DACH2: variants seen among roughly 807,000 people sequenced by gnomAD.
The protein encoded by DACH2 is dachshund homolog 2.
DACH2 carries 17 observed loss-of-function variants against 35.8 expected under a neutral mutation model. That is an observed-to-expected ratio of 0.48 (90% CI 0.33 to 0.71). DACH2 has a LOEUF of 0.71. Ranked by LOEUF, DACH2 falls within the 30% of genes least tolerant of loss-of-function variation. The pLI is 0.02. For missense variants in DACH2, 469 were observed against 472.7 expected, an observed-to-expected ratio of 0.99 and a Z score of 0.07; for synonymous variants, 195 against 177.3, an observed-to-expected ratio of 1.10 and a Z score of -0.79.
At chrX:86,800,217 A>C (rs144751887) in intron 7 of DACH2, among the ~76,000 whole-genome samples, 1 of 111,710 alleles carries the variant, frequency 9.0e-6, no homozygotes, top group African/African-American at 3.3e-5. Context: ...TCACCACCAC[A>C]CTCTTCAATT....
intron 1 of DACH2, among the ~76,000 whole-genome samples, chrX:86,212,247 G>A (rs2032462144): frequency 9.0e-6 from 1 of 111,725 alleles, no homozygotes; most frequent in Admixed American, 9.5e-5. Flanking sequence ...ATACAATCCA[G>A]AATGTTGAAA....
intron 2 of DACH2, among the ~76,000 whole-genome samples, chrX:86,422,931 C>G (rs1418633169): frequency 9.0e-6 from 1 of 111,303 alleles, no homozygotes; most frequent in African/African-American, 3.3e-5. Flanking sequence ...GTTTGTCTTT[C>G]TGTGCCTGAC....
intron 1 of DACH2, among the ~76,000 whole-genome samples, chrX:86,150,514 C>T (rs1175657345): frequency 9.0e-6 from 1 of 111,726 alleles, no homozygotes; most frequent in Non-Finnish European, 1.9e-5. Flanking sequence ...CTTTTTCCTT[C>T]TTCTTTTTTT....
At chrX:86,780,246 A>C (rs147823584) in intron 7 of DACH2, among the ~76,000 whole-genome samples, 13,706 of 109,893 alleles carry the variant, frequency 0.12, 928 homozygotes, top group South Asian at 0.4. Context: ...CAAATGAGAA[A>C]GAAACAGCAC....
intron 1 of DACH2, among the ~76,000 whole-genome samples, chrX:86,294,796 G>A (rs1249236638): frequency 1.4e-4 from 15 of 108,696 alleles, no homozygotes; most frequent in East Asian, 2.9e-4. Context: ...CTCCAGCTGC[G>A]TGCTGGGAGA....
chrX:86,188,345 G>T (rs763173695), intron 1 of DACH2, among the ~76,000 whole-genome samples: 6 of 111,697 alleles, frequency 5.4e-5, no homozygotes, highest in Admixed American at 9.5e-5. Flanking sequence ...CTAACCTTTG[G>T]TCTAGTTACA....
intron 7 of DACH2, among the ~76,000 whole-genome samples, chrX:86,750,022 A>G (rs1203341635): frequency 5.4e-5 from 6 of 111,097 alleles, no homozygotes; most frequent in Non-Finnish European, 1.1e-4. Flanking sequence ...TCTCTATATA[A>G]GATCATACTA....
At position 86,673,074 on chromosome X, in the gene DACH2, G is replaced by A. The variant is rs752918387; in HGVS notation, c.772+21907G>A. Among the ~76,000 whole-genome samples, 266 of 111,389 alleles carry A rather than the reference G, an allele frequency of 2.4e-3. 1 individual carries two copies. Among genetic ancestry groups the A allele is most frequent in the African/African-American group, 7.8e-3 (239 of 30,619 alleles). ...TTTTAGGCCAGGTGTGGTGGCTTAC[G>A]CCTGTAATCCCAGCACTTTGGGAGG... On this transcript the variant is annotated intron_variant, in intron 4 of 11. Coordinates refer to ENST00000373125, the MANE Select transcript of DACH2 (RefSeq NM_053281.3).
chrX:86,395,656 C>T (rs969688656), intron 2 of DACH2, among the ~76,000 whole-genome samples: 15 of 110,853 alleles, frequency 1.4e-4, no homozygotes, highest in African/African-American at 9.9e-5. Flanking sequence ...TTTGTCCTTG[C>T]GATAGTTTGC....
intron 3 of DACH2, among the ~76,000 whole-genome samples, chrX:86,536,453 A>T (rs908364529): frequency 8.9e-6 from 1 of 112,083 alleles, no homozygotes; most frequent in Non-Finnish European, 1.9e-5. Flanking sequence ...ATCTCCTTCC[A>T]TTACTATGTC....
chrX:86,815,329 G>T (rs766845967), intron 10 of DACH2, among the ~76,000 whole-genome samples: 2 of 111,095 alleles, frequency 1.8e-5, no homozygotes, highest in East Asian at 2.8e-4. Flanking sequence ...AATTATGAAA[G>T]ATCTTAATTC....
chrX:86,514,474 T>C, intron 3 of DACH2, 83 bp downstream of exon 3: 1 of 895,418 alleles, frequency 1.1e-6, no homozygotes, highest in South Asian at 3.1e-5. Context: ...CTAACTGCCT[T>C]GTCCTTCAGA....
intron 1 of DACH2, among the ~76,000 whole-genome samples, chrX:86,169,530 C>A (rs1278884543): frequency 9.0e-6 from 1 of 110,626 alleles, no homozygotes; most frequent in Admixed American, 9.6e-5. Context: ...CTTAGACTTG[C>A]CCTTTTAATG....
intron 1 of DACH2, among the ~76,000 whole-genome samples, chrX:86,313,289 T>C (rs1287987213): frequency 8.9e-6 from 1 of 111,878 alleles, no homozygotes; most frequent in Non-Finnish European, 1.9e-5. Flanking sequence ...AATGTTTCTG[T>C]TTAGAATAAA....
chrX:86,537,148 C>T (rs1178755916), intron 3 of DACH2, among the ~76,000 whole-genome samples: 1 of 111,497 alleles, frequency 9.0e-6, no homozygotes, highest in African/African-American at 3.3e-5. Flanking sequence ...TGTAGGCTGC[C>T]AATGTTTCTA....
chrX:86,589,836 G>T (rs912552208), intron 3 of DACH2, among the ~76,000 whole-genome samples: 1 of 111,330 alleles, frequency 9.0e-6, no homozygotes, highest in Non-Finnish European at 1.9e-5. Flanking sequence ...TGCACTTAAG[G>T]TCTCTCCATG....
At chrX:86,280,026 T>C (rs1207443792) in intron 1 of DACH2, among the ~76,000 whole-genome samples, 1 of 110,822 alleles carries the variant, frequency 9.0e-6, no homozygotes, top group Admixed American at 9.7e-5. Context: ...TGGAAAACAC[T>C]CTTCAGGATA....
At chrX:86,295,076 C>T (rs1377767769) in intron 1 of DACH2, among the ~76,000 whole-genome samples, 1 of 112,746 alleles carries the variant, frequency 8.9e-6, no homozygotes, top group African/African-American at 3.2e-5. Context: ...CAGCCAGACT[C>T]CGTGGGCGTA....
chrX:86,731,912 T>C (rs2041536415), intron 6 of DACH2, among the ~76,000 whole-genome samples: 1 of 112,319 alleles, frequency 8.9e-6, no homozygotes, highest in African/African-American at 3.2e-5. Flanking sequence ...CTTAGATGCA[T>C]AGGATATATC....
Sources: gnomAD v4.1 joint callset for allele counts (sites outside exome capture counted in the v4.1 genomes callset) on GRCh38, gnomAD v4.1.1 for gene constraint, MANE v1.5 for transcripts, NCBI Gene and HGNC (gene_info 2026-07-23, HGNC 2026-07-21) for gene names.